The following ERCC1 variants were observed in gnomAD, a reference collection of about 807,000 sequenced individuals.
ERCC1 encodes the protein DNA excision repair protein ERCC-1.
Under a neutral mutation model 37.6 loss-of-function variants are expected in ERCC1, and 36 were observed. The observed-to-expected ratio is 0.96, with a 90% CI of 0.73 to 1.26. ERCC1 has a LOEUF of 1.26. ERCC1 is among the 50% of genes most tolerant of loss of function. The pLI, the probability that ERCC1 is intolerant of heterozygous loss-of-function variation, is 0.00. For missense variants in ERCC1, 349 were observed against 376.5 expected, an observed-to-expected ratio of 0.93 and a Z score of 0.60; for synonymous variants, 156 against 162.1, an observed-to-expected ratio of 0.96 and a Z score of 0.28.
intron 1 of ERCC1, chr19:45,449,326 T>G (rs925074822): frequency 6.6e-6 from 1 of 152,116 alleles, no homozygotes; most frequent in Non-Finnish European, 1.5e-5. Flanking sequence ...CGGGCTGCAG[T>G]AAGTACTTTA....
chr19:45,426,731 G>C (rs1218740516), upstream of ERCC1, among the ~76,000 whole-genome samples: 5 of 151,640 alleles, frequency 3.3e-5, no homozygotes, highest in Admixed American at 1.3e-4. Flanking sequence ...GGCCAAGGTG[G>C]GCAGATTGCT....
intron 2 of ERCC1, 53 bp downstream of exon 2, chr19:45,423,217 C>T: frequency 6.5e-7 from 1 of 1,550,034 alleles, no homozygotes; most frequent in Non-Finnish European, 8.8e-7. Flanking sequence ...ATCCTATCCT[C>T]TTCGTCCTAA....
At chr19:45,416,054 G>A (rs1017000033) in intron 6 of ERCC1, among the ~76,000 whole-genome samples, 1 of 152,166 alleles carries the variant, frequency 6.6e-6, no homozygotes, top group African/African-American at 2.4e-5. Context: ...AGGACTGCCT[G>A]AGCCTGTCAA....
chr19:45,414,747 A>G (rs1293419697), intron 7 of ERCC1, 114 bp downstream of exon 7: 1 of 775,816 alleles, frequency 1.3e-6, no homozygotes. Flanking sequence ...GGGATGGGCC[A>G]GGAAAGACGA....
rs1053662817 is a variant in ERCC1 at position 45,434,274 on chromosome 19, A to G, written c.-7-10893T>C. ...GGCTGGCAGATCGCTTGAGCCCAGG[A>G]GTTTGAGACCAGCCTGGGCAACATG... On this transcript the variant is annotated intron_variant, in intron 1 of 8. Coordinates refer to the ERCC1 transcript ENST00000423698. 2.7e-5 allele frequency among the ~76,000 whole-genome samples: 4 copies of G among 150,220 alleles called. No individual in the cohort carries two copies. The East Asian group carries it at 7.9e-4, about 30-fold the overall frequency.
intron 5 of ERCC1, among the ~76,000 whole-genome samples, chr19:45,418,373 CAAT>C (rs1245763229): frequency 6.6e-6 from 1 of 151,716 alleles, no homozygotes; most frequent in Admixed American, 6.6e-5. Flanking sequence ...ATCAATCAAT[CAAT>C]AAAAATTAGC....
In ERCC1 at chr19:45,409,892, A is replaced by ATTTTTTTTTTTT. The variant is rs200386912; in HGVS notation, c.844-168_844-167insAAAAAAAAAAAA. ...ATCTTTTTAAGTTATTATTATTATT[A>ATTTTTTTTTTTT]TTATTTTTTTTTTTTTTGAGATGGA... On this transcript the variant is annotated intron_variant, in intron 9 of 9. Coordinates refer to ENST00000300853, the MANE Select transcript of ERCC1 (RefSeq NM_001983.4). 29 of 206,468 alleles carry ATTTTTTTTTTTT rather than the reference A, an allele frequency of 1.4e-4. 2 individuals carry two copies. The highest frequency in any genetic ancestry group is 5.4e-4 in the African/African-American group (13 of 23,942). 12.8% of individuals were successfully genotyped at this position (206,468 alleles called of 1,614,324 possible).
At position 45,409,835 on chromosome 19, in the gene ERCC1, T is replaced by C. The variant is rs1007616; in HGVS notation, c.844-110A>G. The stretch of plus-strand genomic sequence containing the variant: ...TATTTTCCCCTATACCCTCAAGCAT[T>C]TATCCATTGAGTTACAAACAATCCA... On this transcript the variant is annotated intron_variant, in intron 9 of 9. Coordinates refer to ENST00000300853, the MANE Select transcript of ERCC1 (RefSeq NM_001983.4). 319,017 of 697,704 alleles carry C rather than the reference T, an allele frequency of 0.46. 78,446 individuals are homozygous for C. The highest frequency in any genetic ancestry group is 0.73 in the East Asian group (26,733 of 36,796). 43.2% of individuals were successfully genotyped at this position (697,704 alleles called of 1,614,324 possible). A position where few individuals can be genotyped will look rare whatever the true frequency, so the allele number is the denominator to read the frequency against.
intron 9 of ERCC1, 164 bp from the exon 10 acceptor site, chr19:45,409,889 A>ATTT (rs1184782156): frequency 3.4e-5 from 8 of 237,676 alleles, no homozygotes; most frequent in African/African-American, 1.3e-4. Flanking sequence ...TATTATTATT[A>ATTT]TTATTATTTT....
chr19:45,416,875 T>C lies in ERCC1; in HGVS notation c.548A>G (p.Lys183Arg), dbSNP rs764058060. 5.6e-6 allele frequency: 9 copies of C among 1,613,052 alleles called. No homozygotes were observed. The highest frequency in any genetic ancestry group is 2.2e-5 in the South Asian group (2 of 91,060). Reference sequence around the variant, plus strand: ...CAGGATACACATCTTAGCCAGCTCCTTGAGGGCCTGCTGGGGATCTTTCTG... The same window carrying C: ...CAGGATACACATCTTAGCCAGCTCCCTGAGGGCCTGCTGGGGATCTTTCTG... ...VDVKDPQQAL[K>R]ELAKMCILAD... The change falls in exon 6 of 10, where the codon AAG (lysine) becomes AGG (arginine). Residue 183 changes from lysine (K) to arginine (R), a missense_variant. Transcript: ENST00000300853.
At position 45,421,282 on chromosome 19, in the gene ERCC1, C is replaced by G; in HGVS notation, c.217G>C (p.Gly73Arg). The change falls in exon 3 of 10, where the codon GGG (glycine) becomes CGG (arginine). Residue 73 changes from glycine to arginine, a missense_variant. Gly to Arg is a moderately radical substitution (Grantham distance 125). Transcript: ENST00000300853. ...YAISQPLEGA[G>R]ATCPTGSEPL... ...TCTGACCCTGTGGGGCACGTGGCCCCAGCCCCTTCCAGAGGCTGTGAGATG... is the reference window on the plus strand; with the variant it reads ...TCTGACCCTGTGGGGCACGTGGCCCGAGCCCCTTCCAGAGGCTGTGAGATG... 1 of 1,614,198 alleles carries G rather than the reference C, an allele frequency of 6.2e-7. No individual in the cohort carries two copies. Among genetic ancestry groups the G allele is most frequent in the Non-Finnish European group, 8.5e-7 (1 of 1,180,052 alleles).
chr19:45,447,270 C>CTTT (rs57063523), intron 1 of ERCC1, among the ~76,000 whole-genome samples: 150 of 102,636 alleles, frequency 1.5e-3, no homozygotes, highest in East Asian at 2.2e-3. Context: ...AGATTTGCTT[C>CTTT]TTTTTTTTTT....
chr19:45,446,812 A>T (rs1021707091), intron 1 of ERCC1, among the ~76,000 whole-genome samples: 1 of 152,142 alleles, frequency 6.6e-6, no homozygotes, highest in Admixed American at 6.6e-5. Flanking sequence ...AGCCTGACCA[A>T]CATGGTGAAA....
At chr19:45,443,491 C>T (rs990718909) in intron 1 of ERCC1, among the ~76,000 whole-genome samples, 2 of 151,738 alleles carry the variant, frequency 1.3e-5, no homozygotes, top group Non-Finnish European at 3.0e-5. Flanking sequence ...AAAACGGGTT[C>T]GCGCCGTTGG....
At chr19:45,435,288 C>T (rs1011186569) in intron 1 of ERCC1, among the ~76,000 whole-genome samples, 1 of 152,140 alleles carries the variant, frequency 6.6e-6, no homozygotes, top group Non-Finnish European at 1.5e-5. Context: ...CAGCCCTCCA[C>T]ACTACAACCC....
At chr19:45,434,996 T>G (rs2123584088) in intron 1 of ERCC1, among the ~76,000 whole-genome samples, 1 of 152,156 alleles carries the variant, frequency 6.6e-6, no homozygotes, top group Admixed American at 6.6e-5. Context: ...TTGGTCGGGC[T>G]GGTCTCAAAC....
chr19:45,433,118 G>A (rs960601649), intron 1 of ERCC1, among the ~76,000 whole-genome samples: 4 of 150,862 alleles, frequency 2.7e-5, no homozygotes, highest in South Asian at 2.1e-4. Context: ...GGCCGGGTGC[G>A]GTGGCTCACA....
Position 45,409,588 on chromosome 19 carries a change from A to G in ERCC1, c.*87T>C, listed in dbSNP as rs2123437845. 2 of 1,579,314 alleles carry G rather than the reference A, an allele frequency of 1.3e-6. No individual in the cohort carries two copies. Among genetic ancestry groups the G allele is most frequent in the Non-Finnish European group, 8.6e-7 (1 of 1,162,082 alleles). ...GGTGACACCCCCAGAATCCCTCCCCAGAGACTGCACCAGCGCAGCCAGCAG... is the reference window on the plus strand; with the variant it reads ...GGTGACACCCCCAGAATCCCTCCCCGGAGACTGCACCAGCGCAGCCAGCAG... On this transcript the variant is annotated 3_prime_UTR_variant, in exon 10 of 10. Coordinates refer to ENST00000300853, the MANE Select transcript of ERCC1 (RefSeq NM_001983.4).
At chr19:45,421,519 G>A (rs974635509) in intron 2 of ERCC1, 126 bp from the exon 3 acceptor site, 1 of 668,768 alleles carries the variant, frequency 1.5e-6, no homozygotes, top group Non-Finnish European at 2.5e-6. Flanking sequence ...ACCCAGACTG[G>A]AGTGTAGTGG....
Sources: gnomAD v4.1 joint callset for allele counts (sites outside exome capture counted in the v4.1 genomes callset) on GRCh38, gnomAD v4.1.1 for gene constraint, MANE v1.5 for transcripts, NCBI Gene and HGNC (gene_info 2026-07-23, HGNC 2026-07-21) for gene names.